The following TRIP4 variants were observed in gnomAD, a reference collection of about 807,000 sequenced individuals.
TRIP4 encodes the protein activating signal cointegrator 1.
Under a neutral mutation model 81.8 loss-of-function variants are expected in TRIP4, and 54 were observed. The observed-to-expected ratio is 0.66, with a 90% confidence interval of 0.53 to 0.83. The LOEUF is 0.83. TRIP4 is among the 40% of genes least tolerant of loss of function. The probability of loss-of-function intolerance (pLI) is 0.00; values close to 1 mark genes in which losing one functional copy is unlikely to be tolerated. For missense variants in TRIP4, 662 were observed against 683.6 expected, an observed-to-expected ratio of 0.97 and a Z score of 0.35; for synonymous variants, 270 against 242.8, an observed-to-expected ratio of 1.11 and a Z score of -1.04.
chr15:64,406,290 T>G (rs1189699448), intron 5 of TRIP4, 40 bp from the exon 6 acceptor site: 6 of 1,607,338 alleles, frequency 3.7e-6, no homozygotes, highest in African/African-American at 1.3e-5. Flanking sequence ...TAATTTGTAT[T>G]TAGAGGCTGA....
intron 1 of TRIP4, among the ~76,000 whole-genome samples, chr15:64,388,314 A>G (rs1452209806): frequency 2.0e-5 from 3 of 152,016 alleles, no homozygotes; most frequent in East Asian, 3.9e-4. Flanking sequence ...ATTTATTATT[A>G]TTGTTGTTAT....
intron 2 of TRIP4, among the ~76,000 whole-genome samples, chr15:64,394,604 CAAAAAAA>C (rs71133423): frequency 4.1e-3 from 217 of 53,144 alleles, no homozygotes; most frequent in Non-Finnish European, 5.5e-3. Flanking sequence ...GACTCCATCT[CAAAAAAA>C]AAAAAAAAAA....
chr15:64,390,934 C>T (rs1251292943), intron 1 of TRIP4, among the ~76,000 whole-genome samples: 9 of 151,932 alleles, frequency 5.9e-5, no homozygotes, highest in Non-Finnish European at 1.3e-4. Flanking sequence ...GGAAGGAGGT[C>T]AGTGCCCGTC....
intron 12 of TRIP4, among the ~76,000 whole-genome samples, chr15:64,446,759 C>G (rs893939221): frequency 3.3e-5 from 5 of 151,776 alleles, no homozygotes; most frequent in African/African-American, 4.8e-5. Flanking sequence ...TGGGACCCAT[C>G]TTTTCTTCCT....
rs899166989 is a variant in TRIP4, at chr15:64,387,902, G to C, written c.39G>C (p.Val13=). The change falls in exon 1 of 13, where the codon GTG becomes GTC. Residue 13 remains valine (V), a synonymous_variant. Coordinates refer to ENST00000261884, the MANE Select transcript of TRIP4 (RefSeq NM_016213.5). ...VAGAVSGEPL[V]HWCTQQLRKT... is the part of the protein sequence containing the mutation. ...GGGCGGTGTCCGGGGAGCCGCTGGTGCACTGGTGCACCCAGCAGTTGCGGA... is the reference window on the plus strand; with the variant it reads ...GGGCGGTGTCCGGGGAGCCGCTGGTCCACTGGTGCACCCAGCAGTTGCGGA... 2 of 1,550,250 alleles carry C rather than the reference G, an allele frequency of 1.3e-6. No homozygotes were observed. The highest frequency in any genetic ancestry group is 1.7e-6 in the Non-Finnish European group (2 of 1,147,076).
Position 64,397,682 on chromosome 15 carries a change from T to C in TRIP4, c.482T>C (p.Leu161Pro). Reference protein sequence around the residue: ...NLYTREGQDRLAVLLPGRHPC... With the variant: ...NLYTREGQDRPAVLLPGRHPC... ...TACACAAGAGAGGGACAGGACAGGC[T>C]TGCAGTCCTGCTCCCTGGTCGTCAC... The change falls in exon 4 of 13, where the codon CTT (leucine) becomes CCT (proline). Residue 161 changes from leucine to proline, a missense_variant. Coordinates refer to ENST00000261884, the MANE Select transcript of TRIP4 (RefSeq NM_016213.5). 1 of 1,614,188 alleles carries C rather than the reference T, an allele frequency of 6.2e-7. No individual in the cohort carries two copies. The highest frequency in any genetic ancestry group is 8.5e-7 in the Non-Finnish European group (1 of 1,180,004).
intron 7 of TRIP4, among the ~76,000 whole-genome samples, chr15:64,411,374 A>G (rs1891757130): frequency 6.6e-6 from 1 of 152,138 alleles, no homozygotes; most frequent in African/African-American, 2.4e-5. Flanking sequence ...CTGGTGAGGG[A>G]TGCTAATAAT....
chr15:64,445,528 G>A (rs1157592159), intron 12 of TRIP4, among the ~76,000 whole-genome samples: 3 of 151,384 alleles, frequency 2.0e-5, no homozygotes, highest in African/African-American at 4.8e-5. Context: ...TGTAGCACCT[G>A]TAGTGCCTGT....
At chr15:64,451,310 G>A (rs957187215) in intron 12 of TRIP4, among the ~76,000 whole-genome samples, 2 of 151,030 alleles carry the variant, frequency 1.3e-5, no homozygotes, top group African/African-American at 2.4e-5. Flanking sequence ...ACGGGGTTTC[G>A]CCATGTTGGT....
chr15:64,396,068 C>T (rs1391171881), intron 3 of TRIP4, among the ~76,000 whole-genome samples: 1 of 151,220 alleles, frequency 6.6e-6, no homozygotes, highest in African/African-American at 2.4e-5. Flanking sequence ...ACTGCCACGC[C>T]CAGCTAATTT....
chr15:64,451,426 ATATT>A (rs1204232620), intron 12 of TRIP4, among the ~76,000 whole-genome samples: 1 of 140,432 alleles, frequency 7.1e-6, no homozygotes, highest in Non-Finnish European at 1.5e-5. Context: ...ACTTTAATAT[ATATT>A]ATTTCAGTTA....
intron 10 of TRIP4, among the ~76,000 whole-genome samples, chr15:64,424,732 AG>A (rs1241968161): frequency 6.6e-6 from 1 of 152,228 alleles, no homozygotes; most frequent in Non-Finnish European, 1.5e-5. Context: ...CAAGGCTTAA[AG>A]AATCACTAGG....
In TRIP4 at chr15:64,406,327, C is replaced by T; in HGVS notation, c.698-3C>T. The T allele has an allele frequency of 6.2e-7, 1 of 1,612,510 alleles. No homozygotes were observed. The highest frequency in any genetic ancestry group is 8.5e-7 in the Non-Finnish European group (1 of 1,179,516). ...ACCATTTGACTTCCTTATTGAATTT[C>T]AGGAGTGGAGAATTCTGGAAAGGTG... On this transcript the variant is annotated splice_region_variant and splice_polypyrimidine_tract_variant and intron_variant, in intron 5 of 12. Coordinates refer to ENST00000261884, the MANE Select transcript of TRIP4 (RefSeq NM_016213.5).
chr15:64,394,604 CAAA>C (rs71133423), intron 2 of TRIP4, among the ~76,000 whole-genome samples: 6 of 53,132 alleles, frequency 1.1e-4, no homozygotes, highest in Admixed American at 2.1e-4. Context: ...GACTCCATCT[CAAA>C]AAAAAAAAAA....
intron 7 of TRIP4, among the ~76,000 whole-genome samples, chr15:64,411,882 C>G (rs949639995): frequency 6.6e-6 from 1 of 151,892 alleles, no homozygotes; most frequent in Non-Finnish European, 1.5e-5. Flanking sequence ...AGGGTTTCAC[C>G]GTGTTAGCCA....
chr15:64,395,423 C>A lies in TRIP4; in HGVS notation c.297C>A (p.Gly99=), dbSNP rs990141491. 5 of 1,610,442 alleles carry A rather than the reference C, an allele frequency of 3.1e-6. No individual in the cohort carries two copies. Among genetic ancestry groups the A allele is most frequent in the South Asian group, 1.1e-5 (1 of 90,330 alleles). ...AAATTTTAGATGGGCAGAAATCAGG[C>A]GACCATCTAAAGCGGGGTAGGAAGA... ...KDEILDGQKS[G]DHLKRGRKKG... is the part of the protein sequence containing the mutation. The change falls in exon 3 of 13, where the codon GGC becomes GGA. Residue 99 remains glycine (G), a synonymous_variant. Transcript: ENST00000261884.
intron 1 of TRIP4, among the ~76,000 whole-genome samples, chr15:64,392,962 A>G (rs1049680621): frequency 2.0e-5 from 3 of 152,106 alleles, no homozygotes; most frequent in Non-Finnish European, 4.4e-5. Context: ...GTTTACCTCT[A>G]GAGCATAATT....
chr15:64,421,908 G>A (rs1437398226), intron 9 of TRIP4, among the ~76,000 whole-genome samples: 1 of 151,980 alleles, frequency 6.6e-6, no homozygotes, highest in Non-Finnish European at 1.5e-5. Context: ...AGCGGAGCAT[G>A]GTGGTGCATG....
At chr15:64,417,394 C>T (rs1314098258) in intron 8 of TRIP4, among the ~76,000 whole-genome samples, 1 of 152,120 alleles carries the variant, frequency 6.6e-6, no homozygotes, top group Non-Finnish European at 1.5e-5. Context: ...GATCCTCCTG[C>T]CTCACCTCCT....
Sources: gnomAD v4.1 joint callset for allele counts (sites outside exome capture counted in the v4.1 genomes callset) on GRCh38, gnomAD v4.1.1 for gene constraint, MANE v1.5 for transcripts, NCBI Gene and HGNC (gene_info 2026-07-23, HGNC 2026-07-21) for gene names.